FHIP1A: variants seen among roughly 807,000 people sequenced by gnomAD.
FHIP1A encodes the protein FHF complex subunit HOOK interacting protein 1A.
A neutral mutation model predicts 88.6 loss-of-function variants in FHIP1A; 61 were observed. The ratio of observed to expected loss-of-function variants is 0.69; its 90% CI spans 0.56 to 0.85. The LOEUF is 0.85. Among genes scored for constraint, FHIP1A ranks in the 40% least tolerant of loss-of-function variants. The pLI, the probability that FHIP1A is intolerant of heterozygous loss-of-function variation, is 0.00. For synonymous variants in FHIP1A, 478 were observed against 496.0 expected, an observed-to-expected ratio of 0.96 and a Z score of 0.48; for missense variants, 1,154 against 1,273.5, an observed-to-expected ratio of 0.91 and a Z score of 1.43.
At chr4:151,562,042 A>G (rs1733192978) in intron 3 of FHIP1A, among the ~76,000 whole-genome samples, 1 of 152,196 alleles carries the variant, frequency 6.6e-6, no homozygotes, top group Non-Finnish European at 1.5e-5. Flanking sequence ...TTCCAAAAGA[A>G]GAGTCCCATT....
chr4:151,573,395 G>T (rs1333941074), intron 4 of FHIP1A, among the ~76,000 whole-genome samples: 2 of 152,078 alleles, frequency 1.3e-5, no homozygotes, highest in Non-Finnish European at 2.9e-5. Context: ...ATTTCAGCTG[G>T]TTTACTTAAT....
chr4:151,455,200 A>G (rs1278123682), intron 2 of FHIP1A, among the ~76,000 whole-genome samples: 1 of 152,254 alleles, frequency 6.6e-6, no homozygotes, highest in Admixed American at 6.5e-5. Context: ...TGCAGTTTGT[A>G]CACTTACTGG....
intron 9 of FHIP1A, among the ~76,000 whole-genome samples, chr4:151,639,867 C>T (rs1462826134): frequency 6.6e-6 from 1 of 152,166 alleles, no homozygotes; most frequent in Non-Finnish European, 1.5e-5. Flanking sequence ...TTCATTTGAC[C>T]AGTCCTGGGG....
intron 3 of FHIP1A, among the ~76,000 whole-genome samples, chr4:151,548,686 C>A (rs1425120513): frequency 6.6e-6 from 1 of 151,994 alleles, no homozygotes; most frequent in East Asian, 1.9e-4. Flanking sequence ...CTTTGGGAGG[C>A]TGAGGTGGAT....
At chr4:151,560,598 T>C (rs760670918) in intron 3 of FHIP1A, among the ~76,000 whole-genome samples, 7 of 152,172 alleles carry the variant, frequency 4.6e-5, no homozygotes, top group Admixed American at 1.3e-4. Context: ...GGCAAGAATC[T>C]TAAACAAGTT....
chr4:151,656,091 C>T lies in FHIP1A; in HGVS notation c.2552-141C>T, dbSNP rs1181954181. The T allele has an allele frequency of 5.2e-6, 3 of 571,758 alleles. No individual in the cohort carries two copies. Among genetic ancestry groups the T allele is most frequent in the East Asian group, 3.0e-5 (1 of 33,776 alleles). 35.4% of individuals were successfully genotyped at this position (571,758 alleles called of 1,614,324 possible). A position where few individuals can be genotyped will look rare whatever the true frequency, so the allele number is the denominator to read the frequency against. On this transcript the variant is annotated intron_variant, in intron 11 of 13. Coordinates refer to ENST00000435205, the MANE Select transcript of FHIP1A (RefSeq NM_001109977.3). This position sits in a 1 kb window ranked among gnomAD's most constrained non-coding sequence, Gnocchi z 4.2. The stretch of plus-strand genomic sequence containing the variant: ...GTTTTGGTTTTGAGGCAGGAGAAAA[C>T]GTGGCCATATTTGCTGTGTCTGGCT...
intron 3 of FHIP1A, among the ~76,000 whole-genome samples, chr4:151,531,504 CT>C (rs10711474): frequency 0.51 from 73,788 of 145,122 alleles, 18,400 homozygotes; most frequent in African/African-American, 0.54. Context: ...CTTTTTTCTT[CT>C]TTTTTTTTTT....
intron 7 of FHIP1A, among the ~76,000 whole-genome samples, chr4:151,616,444 CT>C (rs763599410): frequency 1.1e-3 from 125 of 113,396 alleles, no homozygotes; most frequent in Middle Eastern, 5.1e-3. Flanking sequence ...TTCTTTCTTT[CT>C]TTTTTTTTTT....
chr4:151,509,623 G>A (rs1193864994), intron 3 of FHIP1A, among the ~76,000 whole-genome samples: 1 of 152,080 alleles, frequency 6.6e-6, no homozygotes, highest in African/African-American at 2.4e-5. Flanking sequence ...AGTAAATAGT[G>A]GTCGGGGCAG....
chr4:151,637,099 A>G lies in FHIP1A; in HGVS notation c.1147-1578A>G, dbSNP rs560807732. 3.3e-5 allele frequency among the ~76,000 whole-genome samples: 5 copies of G among 152,274 alleles called. No individual in the cohort carries two copies. In the East Asian group the frequency reaches 5.8e-4, roughly 18 times the overall value. On this transcript the variant is annotated intron_variant, in intron 8 of 13. Coordinates refer to ENST00000435205, the MANE Select transcript of FHIP1A (RefSeq NM_001109977.3). ...TCTTTTTAACAAATGGTGCTGAGAC[A>G]ATTGGATATCCATGTGCAAAATAAT...
At position 151,578,114 on chromosome 4, in the gene FHIP1A, C is replaced by G. The variant is rs1454599266; in HGVS notation, c.732+38C>G. ...CCTTGGCATGTTTTCCACTCACTCC[C>G]TTTTTTCTCTTCTGTTGCTAGTGAT... On this transcript the variant is annotated intron_variant, in intron 5 of 13. Coordinates refer to ENST00000435205, the MANE Select transcript of FHIP1A (RefSeq NM_001109977.3). The G allele has an allele frequency of 2.0e-6, 3 of 1,517,382 alleles. No individual in the cohort carries two copies. In the Admixed American group the frequency reaches 6.3e-5, roughly 32 times the overall value. The allele number at this position is 1,517,382 out of a possible 1,614,324, so 94.0% of individuals were successfully genotyped here. A position where few individuals can be genotyped will look rare whatever the true frequency, so the allele number is the denominator to read the frequency against.
At chr4:151,411,544 TTTGCCACG>T (rs1732647760) in intron 1 of FHIP1A, among the ~76,000 whole-genome samples, 1 of 151,804 alleles carries the variant, frequency 6.6e-6, no homozygotes, top group Admixed American at 6.6e-5. Flanking sequence ...CAGACAGGGT[TTTGCCACG>T]TTGCCCAGGC....
chr4:151,513,618 C>CAAATGAG (rs1408398716), intron 3 of FHIP1A, among the ~76,000 whole-genome samples: 47 of 151,678 alleles, frequency 3.1e-4, no homozygotes, highest in African/African-American at 1.1e-3. Context: ...ATCTACCAAG[C>CAAATGAG]CAATGGAAAA....
At chr4:151,630,569 G>T (rs1458578088) in intron 8 of FHIP1A, among the ~76,000 whole-genome samples, 1 of 152,018 alleles carries the variant, frequency 6.6e-6, no homozygotes, top group Admixed American at 6.6e-5. Flanking sequence ...ATTCTGATAA[G>T]TTAAAATGTA....
chr4:151,557,176 A>G (rs1171553817), intron 3 of FHIP1A, among the ~76,000 whole-genome samples: 2 of 152,232 alleles, frequency 1.3e-5, no homozygotes, highest in Admixed American at 6.5e-5. Flanking sequence ...TAATTTTTAC[A>G]TAAAAGGAAC....
intron 3 of FHIP1A, among the ~76,000 whole-genome samples, chr4:151,507,394 G>A (rs116309279): frequency 0.011 from 1,602 of 152,210 alleles, 9 homozygotes; most frequent in Non-Finnish European, 0.017. Context: ...AAAGTGCTAG[G>A]ATTACAATAA....
intron 7 of FHIP1A, among the ~76,000 whole-genome samples, chr4:151,626,943 C>A (rs1735976134): frequency 6.6e-6 from 1 of 152,172 alleles, no homozygotes; most frequent in Non-Finnish European, 1.5e-5. Context: ...GCTCTGGTCT[C>A]ATCCTCGTTA....
chr4:151,626,334 A>G (rs1735950760), intron 7 of FHIP1A, among the ~76,000 whole-genome samples: 1 of 152,226 alleles, frequency 6.6e-6, no homozygotes, highest in African/African-American at 2.4e-5. Flanking sequence ...AAGGACCCGG[A>G]CAAGGGCTAT....
At chr4:151,451,116 C>A (rs1728774993) in intron 1 of FHIP1A, among the ~76,000 whole-genome samples, 1 of 151,942 alleles carries the variant, frequency 6.6e-6, no homozygotes, top group African/African-American at 2.4e-5. Context: ...GACTCAGTGT[C>A]TTTTTATATA....
Sources: gnomAD v4.1 joint callset for allele counts (sites outside exome capture counted in the v4.1 genomes callset) on GRCh38, gnomAD v4.1.1 for gene constraint, Gnocchi (gnomAD v3.1) non-coding constraint, MANE v1.5 for transcripts, NCBI Gene and HGNC (gene_info 2026-07-23, HGNC 2026-07-21) for gene names.